Variants in ROR1 observed in about 807,000 individuals in gnomAD.
ROR1 encodes the protein ROR family WNT receptor 1, also known as inactive tyrosine-protein kinase transmembrane receptor ROR1.
Under a neutral mutation model 78.8 loss-of-function variants are expected in ROR1, and 19 were observed. The ratio of observed to expected loss-of-function variants is 0.24; its 90% CI spans 0.17 to 0.35. The LOEUF is 0.35. Among genes scored for constraint, ROR1 ranks in the 10% least tolerant of loss-of-function variants. The pLI, the probability that ROR1 is intolerant of heterozygous loss-of-function variation, is 1.00. For synonymous variants in ROR1, 386 were observed against 433.6 expected (o/e 0.89, Z 1.36); for missense variants, 917 against 1,177.8 (o/e 0.78, Z 3.24).
At chr1:63,874,456 G>C (rs896896558) in intron 1 of ROR1, among the ~76,000 whole-genome samples, 1 of 152,098 alleles carries the variant, frequency 6.6e-6, no homozygotes, top group Admixed American at 6.6e-5. Flanking sequence ...TATTAGCAAG[G>C]TCTCATAGAT....
chr1:63,818,278 G>A (rs367941546), intron 1 of ROR1, among the ~76,000 whole-genome samples: 35 of 152,164 alleles, frequency 2.3e-4, no homozygotes, highest in Middle Eastern at 6.8e-3. Flanking sequence ...TATTTCTAGG[G>A]GCTTCTTACC....
chr1:63,866,527 G>A (rs1645216396), intron 1 of ROR1, among the ~76,000 whole-genome samples: 1 of 152,114 alleles, frequency 6.6e-6, no homozygotes, highest in South Asian at 2.1e-4. Flanking sequence ...GTATAGATGG[G>A]AATTGGCTGA....
At chr1:64,040,029 GTTA>G (rs1476622564) in intron 2 of ROR1, among the ~76,000 whole-genome samples, 2 of 152,144 alleles carry the variant, frequency 1.3e-5, no homozygotes, top group African/African-American at 4.8e-5. Context: ...TGGTGGTTTT[GTTA>G]TTATTATTTG....
At chr1:63,910,331 G>A (rs1232947788) in intron 1 of ROR1, among the ~76,000 whole-genome samples, 1 of 152,122 alleles carries the variant, frequency 6.6e-6, no homozygotes, top group Non-Finnish European at 1.5e-5. Context: ...GTCCTTGTTT[G>A]TACAATGGAC....
intron 4 of ROR1, among the ~76,000 whole-genome samples, chr1:64,078,276 G>A (rs10493355): frequency 0.15 from 22,326 of 152,164 alleles, 1,746 homozygotes; most frequent in Middle Eastern, 0.2. Context: ...AAAAAGAATA[G>A]GAGTTTGCCA....
At chr1:63,846,718 G>A (rs1645083966) in intron 1 of ROR1, among the ~76,000 whole-genome samples, 1 of 152,186 alleles carries the variant, frequency 6.6e-6, no homozygotes, top group South Asian at 2.1e-4. Flanking sequence ...GGGAACTGAG[G>A]CAATAGATAC....
At chr1:64,052,205 A>G (rs1481902148) in intron 4 of ROR1, among the ~76,000 whole-genome samples, 1 of 147,614 alleles carries the variant, frequency 6.8e-6, no homozygotes, top group Admixed American at 6.7e-5. Flanking sequence ...TTTTTTTTCA[A>G]TGGTCTCACC....
chr1:63,958,784 G>A (rs1224598433), intron 1 of ROR1, among the ~76,000 whole-genome samples: 3 of 152,158 alleles, frequency 2.0e-5, no homozygotes, highest in Admixed American at 2.0e-4. Context: ...TTCCAGGCAG[G>A]GAAAAGTAAA....
At chr1:64,100,443 A>G (rs993312011) in intron 4 of ROR1, among the ~76,000 whole-genome samples, 8 of 152,154 alleles carry the variant, frequency 5.3e-5, no homozygotes, top group Non-Finnish European at 1.0e-4. Context: ...AGCTGTGATC[A>G]CACCACTGCA....
chr1:64,049,835 G>A lies in ROR1; in HGVS notation c.308G>A (p.Arg103Gln), dbSNP rs200761925. 3.1e-5 allele frequency: 50 copies of A among 1,614,178 alleles called. No individual in the cohort carries two copies. The East Asian group carries it at 7.1e-4, about 23-fold the overall frequency. Residue 103 changes from arginine to glutamine, a missense_variant, in exon 3 of 9, where the codon CGG (arginine) becomes CAG (glutamine). Coordinates refer to ENST00000371079, the MANE Select transcript of ROR1 (RefSeq NM_005012.4). ...KNDAPVVQEP[R>Q]RLSFRSTIYG... ...GATGCTCCTGTGGTCCAGGAGCCCC[G>A]GAGGCTCTCCTTTCGGTCCACCATC... is the stretch of plus-strand genomic sequence containing the variant.
intron 1 of ROR1, among the ~76,000 whole-genome samples, chr1:63,929,447 C>T (rs912023991): frequency 6.6e-6 from 1 of 152,102 alleles, no homozygotes; most frequent in African/African-American, 2.4e-5. Context: ...CTCTCGGTTG[C>T]TTTCATAAAA....
intron 1 of ROR1, among the ~76,000 whole-genome samples, chr1:63,806,168 A>G (rs1303300381): frequency 6.6e-6 from 1 of 152,152 alleles, no homozygotes; most frequent in Non-Finnish European, 1.5e-5. Flanking sequence ...TTAGTTTATT[A>G]TCCATGGACC....
At chr1:64,043,587 C>A (rs1646761289) in intron 2 of ROR1, among the ~76,000 whole-genome samples, 1 of 152,108 alleles carries the variant, frequency 6.6e-6, no homozygotes, top group African/African-American at 2.4e-5. Flanking sequence ...TTTTCAGTAC[C>A]AGTGGGTATT....
intron 1 of ROR1, among the ~76,000 whole-genome samples, chr1:63,852,853 TAC>T (rs1195539333): frequency 3.9e-5 from 6 of 152,340 alleles, no homozygotes; most frequent in African/African-American, 1.4e-4. Flanking sequence ...AAGGACTTTA[TAC>T]AGATGGAGAA....
intron 2 of ROR1, among the ~76,000 whole-genome samples, chr1:64,029,938 A>T (rs1178905948): frequency 3.3e-5 from 5 of 152,036 alleles, no homozygotes; most frequent in Non-Finnish European, 5.9e-5. Flanking sequence ...CTTTCCAATT[A>T]TTCATTACCC....
At chr1:64,002,625 A>C (rs1196617762) in intron 1 of ROR1, among the ~76,000 whole-genome samples, 1 of 152,146 alleles carries the variant, frequency 6.6e-6, no homozygotes, top group Non-Finnish European at 1.5e-5. Flanking sequence ...TTTGTAGCAT[A>C]GTTTCTTTAA....
At chr1:63,815,568 A>G (rs1308095302) in intron 1 of ROR1, among the ~76,000 whole-genome samples, 1 of 150,144 alleles carries the variant, frequency 6.7e-6, no homozygotes, top group Admixed American at 6.6e-5. Flanking sequence ...GTATGAAGAT[A>G]AAACCAATAA....
At chr1:63,796,100 A>T (rs1034535704) in intron 1 of ROR1, among the ~76,000 whole-genome samples, 2 of 151,914 alleles carry the variant, frequency 1.3e-5, no homozygotes, top group African/African-American at 4.8e-5. Context: ...GCATATTTAT[A>T]TGTGTGTAGT....
At chr1:63,980,538 C>G (rs1383664249) in intron 1 of ROR1, among the ~76,000 whole-genome samples, 1 of 152,204 alleles carries the variant, frequency 6.6e-6, no homozygotes, top group Non-Finnish European at 1.5e-5. Flanking sequence ...TGGCTTTATA[C>G]CTATCATTAG....
Sources: allele counts gnomAD v4.1 joint callset (sites outside exome capture counted in the v4.1 genomes callset), GRCh38; gene constraint gnomAD v4.1.1; transcripts MANE v1.5; gene names NCBI Gene and HGNC (gene_info 2026-07-23, HGNC 2026-07-21).